NKAIN2: variants seen among roughly 807,000 people sequenced by gnomAD.
The protein encoded by NKAIN2 is sodium/potassium-transporting ATPase subunit beta-1-interacting protein 2.
NKAIN2 carries 14 observed loss-of-function variants against 32.6 expected under a neutral mutation model. The ratio of observed to expected loss-of-function variants is 0.43; its 90% CI spans 0.28 to 0.67. NKAIN2 has a LOEUF of 0.67. Ranked by LOEUF, NKAIN2 falls within the 30% of genes least tolerant of loss-of-function variation. The pLI, the probability that NKAIN2 is intolerant of heterozygous loss-of-function variation, is 0.17. For synonymous variants in NKAIN2, 80 were observed against 87.2 expected, an observed-to-expected ratio of 0.92 and a Z score of 0.46; for missense variants, 198 against 258.3, an observed-to-expected ratio of 0.77 and a Z score of 1.60.
chr6:123,867,862 A>AT (rs1201240894), intron 1 of NKAIN2, among the ~76,000 whole-genome samples: 5,651 of 129,178 alleles, frequency 0.044, 150 homozygotes, highest in African/African-American at 0.049. Flanking sequence ...TACTGGGTTC[A>AT]TTTTTTTTTT....
At chr6:124,611,109 T>A (rs1218648370) in intron 3 of NKAIN2, among the ~76,000 whole-genome samples, 1 of 152,208 alleles carries the variant, frequency 6.6e-6, no homozygotes, top group Non-Finnish European at 1.5e-5. Flanking sequence ...CTTTTTTAAC[T>A]GGAAATAGCT....
chr6:123,843,475 G>A (rs1212823319), intron 1 of NKAIN2, among the ~76,000 whole-genome samples: 1 of 152,078 alleles, frequency 6.6e-6, no homozygotes, highest in East Asian at 1.9e-4. Context: ...CCTTTGCCAG[G>A]GGAGCTTGGG....
intron 2 of NKAIN2, among the ~76,000 whole-genome samples, chr6:124,298,559 A>G (rs946111897): frequency 6.6e-6 from 1 of 152,028 alleles, no homozygotes; most frequent in Non-Finnish European, 1.5e-5. Flanking sequence ...AGCTCTATTT[A>G]TTTGGGATTA....
At chr6:124,531,140 C>A (rs1779510312) in intron 3 of NKAIN2, among the ~76,000 whole-genome samples, 1 of 152,194 alleles carries the variant, frequency 6.6e-6, no homozygotes, top group African/African-American at 2.4e-5. Flanking sequence ...AGAAGAGGAA[C>A]CTCATTAGAA....
intron 4 of NKAIN2, among the ~76,000 whole-genome samples, chr6:124,739,014 G>T (rs1382622347): frequency 6.6e-6 from 1 of 151,660 alleles, no homozygotes; most frequent in African/African-American, 2.4e-5. Context: ...TTCTCTTAAA[G>T]TTTTATTTAT....
intron 3 of NKAIN2, among the ~76,000 whole-genome samples, chr6:124,608,414 T>A (rs1404464146): frequency 6.6e-6 from 1 of 152,080 alleles, no homozygotes; most frequent in Non-Finnish European, 1.5e-5. Flanking sequence ...TGGCAATATA[T>A]TTGGAGGGAG....
At chr6:124,569,550 C>T (rs1346051718) in intron 3 of NKAIN2, among the ~76,000 whole-genome samples, 1 of 152,134 alleles carries the variant, frequency 6.6e-6, no homozygotes, top group Non-Finnish European at 1.5e-5. Context: ...CTTTCCCATG[C>T]TATTCCCGTG....
Position 123,804,109 on chromosome 6 carries a change from G to T in NKAIN2, c.-92G>T. The T allele has an allele frequency of 4.1e-6, 5 of 1,210,052 alleles. No individual in the cohort carries two copies. The highest frequency in any genetic ancestry group is 6.2e-6 in the Non-Finnish European group (5 of 812,702). The allele number at this position is 1,210,052 out of a possible 1,614,324, so 75.0% of individuals were successfully genotyped here. A position where few individuals can be genotyped will look rare whatever the true frequency, so the allele number is the denominator to read the frequency against. On this transcript the variant is annotated 5_prime_UTR_variant, in exon 1 of 7. Coordinates refer to ENST00000368417, the MANE Select transcript of NKAIN2 (RefSeq NM_001040214.3). ...GAGCCCCCGAGCCCTCGGCAGGTTT[G>T]CGTGTCCTTCCCCGCGATCTGATTG... is the stretch of plus-strand genomic sequence containing the variant.
intron 3 of NKAIN2, among the ~76,000 whole-genome samples, chr6:124,622,685 TG>T (rs1358917453): frequency 1.3e-5 from 2 of 152,078 alleles, no homozygotes; most frequent in South Asian, 2.1e-4. Context: ...GCAGGGTGGA[TG>T]GGGAGCTGGA....
intron 4 of NKAIN2, among the ~76,000 whole-genome samples, chr6:124,760,755 G>A (rs1372412956): frequency 6.6e-6 from 1 of 152,142 alleles, no homozygotes; most frequent in Non-Finnish European, 1.5e-5. Context: ...GTTTGAGGCT[G>A]TCTGTCCACA....
chr6:124,445,767 TGAAAAC>T (rs1775864422), intron 3 of NKAIN2, among the ~76,000 whole-genome samples: 1 of 102,170 alleles, frequency 9.8e-6, no homozygotes, highest in Non-Finnish European at 2.3e-5. Flanking sequence ...AAAACAAAAA[TGAAAAC>T]GAAACAAAAC....
chr6:124,252,647 T>G (rs558392279), intron 1 of NKAIN2, among the ~76,000 whole-genome samples: 1 of 152,242 alleles, frequency 6.6e-6, no homozygotes, highest in African/African-American at 2.4e-5. Flanking sequence ...AATTAGACAT[T>G]AGTTAAAGTA....
intron 3 of NKAIN2, among the ~76,000 whole-genome samples, chr6:124,385,389 A>G (rs1772851195): frequency 6.6e-6 from 1 of 151,940 alleles, no homozygotes; most frequent in African/African-American, 2.4e-5. Context: ...TCTCCCCTCT[A>G]ATGTCATTCT....
intron 1 of NKAIN2, among the ~76,000 whole-genome samples, chr6:124,081,967 CAAAGGAGT>C (rs1783985931): frequency 6.6e-6 from 1 of 151,900 alleles, no homozygotes; most frequent in African/African-American, 2.4e-5. Context: ...TTCAATAGAA[CAAAGGAGT>C]AAATTCAATC....
intron 5 of NKAIN2, among the ~76,000 whole-genome samples, chr6:124,808,223 C>CA (rs1223831290): frequency 3.3e-5 from 5 of 151,352 alleles, no homozygotes; most frequent in Admixed American, 2.0e-4. Flanking sequence ...AACATTGATG[C>CA]AAAAATCCTC....
chr6:124,716,689 C>T lies in NKAIN2; in HGVS notation c.474+58303C>T, dbSNP rs898313037. 2.6e-5 allele frequency among the ~76,000 whole-genome samples: 4 copies of T among 152,140 alleles called. 1 individual carries two copies. Among genetic ancestry groups the T allele is most frequent in the Admixed American group, 2.6e-4 (4 of 15,260 alleles). On this transcript the variant is annotated intron_variant, in intron 4 of 6. Transcript: ENST00000368417. ...GTCTTAGGGCTTAGCACCTGCCCTT[C>T]CCGCTGACTAGAACCCTCTTCTCCT... is the stretch of plus-strand genomic sequence containing the variant.
At chr6:124,407,345 CT>C (rs1167173301) in intron 3 of NKAIN2, among the ~76,000 whole-genome samples, 1 of 145,814 alleles carries the variant, frequency 6.9e-6, no homozygotes, top group Non-Finnish European at 1.5e-5. Flanking sequence ...TCCCTCCCCC[CT>C]CCCCACATGC....
Position 124,192,741 on chromosome 6 carries a change from GTTTTTTTTTT to G in NKAIN2, c.55-90247_55-90238del, listed in dbSNP as rs1205303294. Among the ~76,000 whole-genome samples, 30 of 77,198 alleles carry G rather than the reference GTTTTTTTTTT, an allele frequency of 3.9e-4. 1 individual carries two copies. Among genetic ancestry groups the G allele is most frequent in the Admixed American group, 1.3e-3 (9 of 6,824 alleles). The allele number at this position is 77,198 out of a possible 152,430, so 50.6% of individuals were successfully genotyped here. A position where few individuals can be genotyped will look rare whatever the true frequency, so the allele number is the denominator to read the frequency against. The stretch of plus-strand genomic sequence containing the variant: ...TCTATTTCTCTCCTTAGTTCCATCC[GTTTTTTTTTT>G]TTTTTTTTTTTTTTTTGAGACAGAG... On this transcript the variant is annotated intron_variant, in intron 1 of 6. Transcript: ENST00000368417.
chr6:124,381,981 C>T (rs1168313963), intron 3 of NKAIN2, among the ~76,000 whole-genome samples: 4 of 152,046 alleles, frequency 2.6e-5, no homozygotes, highest in Admixed American at 2.6e-4. Flanking sequence ...AAATTGATCA[C>T]TTTATTTACT....
Sources: gnomAD v4.1 joint callset for allele counts (sites outside exome capture counted in the v4.1 genomes callset) on GRCh38, gnomAD v4.1.1 for gene constraint, MANE v1.5 for transcripts, NCBI Gene and HGNC (gene_info 2026-07-23, HGNC 2026-07-21) for gene names.